Variants in MAGT1 observed in about 807,000 individuals in gnomAD.
The protein encoded by MAGT1 is magnesium transporter 1, also known as dolichyl-diphosphooligosaccharide--protein glycosyltransferase subunit MAGT1.
Under a neutral mutation model 28.4 loss-of-function variants are expected in MAGT1, and 4 were observed. The ratio of observed to expected loss-of-function variants is 0.14; its 90% CI spans 0.07 to 0.32. The LOEUF (loss-of-function observed/expected upper bound fraction) is 0.32, where lower values mean the gene tolerates loss of function less well. MAGT1 is among the 10% of genes least tolerant of loss of function. The pLI, the probability that MAGT1 is intolerant of heterozygous loss-of-function variation, is 1.00. For missense variants in MAGT1, 193 were observed against 264.5 expected, an observed-to-expected ratio of 0.73 and a Z score of 1.88; for synonymous variants, 89 against 89.7, an observed-to-expected ratio of 0.99 and a Z score of 0.04.
intron 8 of MAGT1, among the ~76,000 whole-genome samples, chrX:77,831,741 T>C (rs1244431078): frequency 9.1e-6 from 1 of 109,966 alleles, no homozygotes; most frequent in African/African-American, 3.3e-5. Context: ...TACAGATGTG[T>C]GCCACCATGC....
At chrX:77,829,587 A>G (rs782387203) in intron 9 of MAGT1, among the ~76,000 whole-genome samples, 1 of 111,478 alleles carries the variant, frequency 9.0e-6, no homozygotes, top group East Asian at 2.8e-4. Flanking sequence ...CTGGGACTAC[A>G]GGCACATGAC....
At position 77,835,895 on chromosome X, in the gene MAGT1, C is replaced by T. The variant is rs995345113; in HGVS notation, c.902-5000G>A. ...CTTGGCTCACTTCAACCTCTGCCTT[C>T]CAGGTTCAAACAATTCTCCTGCCTC... On this transcript the variant is annotated intron_variant, in intron 8 of 9. Transcript: ENST00000618282. 4.5e-5 allele frequency among the ~76,000 whole-genome samples: 5 copies of T among 111,292 alleles called. No homozygotes were observed. In the Admixed American group the frequency reaches 4.8e-4, roughly 11 times the overall value.
intron 1 of MAGT1, among the ~76,000 whole-genome samples, chrX:77,878,738 C>T (rs1437160565): frequency 4.1e-5 from 4 of 98,664 alleles, no homozygotes; most frequent in Non-Finnish European, 6.1e-5. Flanking sequence ...TGCAGTGAGC[C>T]GAGATCGTGC....
At chrX:77,868,544 G>C (rs1309511691) in intron 3 of MAGT1, 1 of 184,329 alleles carries the variant, frequency 5.4e-6, no homozygotes, top group African/African-American at 3.0e-5. Flanking sequence ...GGCTGAGGCA[G>C]AAGAATCACT....
At chrX:77,849,549 T>C (rs1403999648) in intron 7 of MAGT1, among the ~76,000 whole-genome samples, 4 of 111,259 alleles carry the variant, frequency 3.6e-5, no homozygotes, top group South Asian at 3.7e-4. Flanking sequence ...TGAGTTCTGG[T>C]TACATAAGTG....
chrX:77,884,164 G>C (rs1453596716), intron 1 of MAGT1, among the ~76,000 whole-genome samples: 1 of 111,869 alleles, frequency 8.9e-6, no homozygotes. Context: ...CTGCACTCCA[G>C]CCTGGGTGAC....
intron 3 of MAGT1, 59 bp from the exon 4 acceptor site, chrX:77,857,556 T>C (rs1265950919): frequency 8.6e-7 from 1 of 1,159,729 alleles, no homozygotes; most frequent in Non-Finnish European, 1.2e-6. Context: ...TAATTGCAGT[T>C]AACATCTTGA....
chrX:77,861,708 A>G (rs782296349), intron 3 of MAGT1, among the ~76,000 whole-genome samples: 1 of 112,542 alleles, frequency 8.9e-6, no homozygotes, highest in South Asian at 3.6e-4. Flanking sequence ...ACAATGCAAT[A>G]TTATTCAGCT....
Position 77,895,367 on chromosome X carries a change from A to G in MAGT1, c.44T>C (p.Val15Ala), listed in dbSNP as rs1557219816. The G allele has an allele frequency of 1.7e-6, 2 of 1,212,025 alleles. No individual in the cohort carries two copies. The highest frequency in any genetic ancestry group is 3.5e-5 in the African/African-American group (2 of 57,867). ...GTCGCAAACGATGAGCAGCGCCACC[A>G]CCATGGTCACAGAGACACACCAAAA... ...WRFWCVSVTM[V>A]VALLIVCDVP... Residue 15 changes from valine to alanine, a missense_variant, in exon 1 of 10, where the codon GTG becomes GCG. By Grantham distance (64) the Val-to-Ala change is moderately conservative (BLOSUM62 0). Transcript: ENST00000618282.
intron 8 of MAGT1, among the ~76,000 whole-genome samples, chrX:77,834,181 C>T (rs2076906775): frequency 1.0e-5 from 1 of 97,624 alleles, no homozygotes; most frequent in African/African-American, 3.7e-5. Context: ...TATATATATG[C>T]ATATATGTAT....
intron 1 of MAGT1, among the ~76,000 whole-genome samples, chrX:77,875,976 G>A (rs1311607397): frequency 9.8e-6 from 1 of 102,091 alleles, no homozygotes; most frequent in Non-Finnish European, 2.0e-5. Context: ...GAATACACAC[G>A]TGTTCCACCA....
chrX:77,856,186 A>G (rs1557215958), intron 5 of MAGT1, among the ~76,000 whole-genome samples: 1 of 111,415 alleles, frequency 9.0e-6, no homozygotes, highest in Non-Finnish European at 1.9e-5. Context: ...CTGTAACCCC[A>G]GCACTTTGGG....
In MAGT1 at chrX:77,875,540, T is replaced by C. The variant is rs369665000; in HGVS notation, c.160A>G (p.Ile54Val). Residue 54 changes from isoleucine (I) to valine (V), a missense_variant, in exon 2 of 10, where the codon ATA becomes GTA. Ile to Val is a conservative substitution (Grantham distance 29). Coordinates refer to ENST00000618282, the MANE Select transcript of MAGT1 (RefSeq NM_001367916.1). ...CGGAACTTGTCTCCATTCATTCTTA[T>C]TACAGGTCTTTTGTTAGTCCATTCC... is the stretch of plus-strand genomic sequence containing the variant. The part of the protein sequence containing the change: ...LMEWTNKRPV[I>V]RMNGDKFRRL... The C allele has an allele frequency of 6.6e-6, 8 of 1,206,871 alleles. No homozygotes were observed. The highest frequency in any genetic ancestry group is 9.0e-6 in the Non-Finnish European group (8 of 893,766).
intron 1 of MAGT1, among the ~76,000 whole-genome samples, chrX:77,893,485 AC>A (rs782556480): frequency 2.8e-4 from 31 of 112,079 alleles, no homozygotes; most frequent in African/African-American, 1.0e-3. Flanking sequence ...TAAAAAAAAA[AC>A]AAAACCTATT....
chrX:77,830,966 T>TTTA, intron 8 of MAGT1, 71 bp from the exon 9 acceptor site: 1 of 328,382 alleles, frequency 3.0e-6, no homozygotes, highest in Admixed American at 5.8e-5. Flanking sequence ...GTCTATACTT[T>TTTA]CTTTTTTTAT....
At chrX:77,844,812 T>C (rs782603675) in intron 7 of MAGT1, among the ~76,000 whole-genome samples, 2 of 111,712 alleles carry the variant, frequency 1.8e-5, no homozygotes, top group South Asian at 7.4e-4. Flanking sequence ...TGAGAGACAG[T>C]TTGTTATAAT....
chrX:77,875,244 C>T (rs1218064271), intron 2 of MAGT1, among the ~76,000 whole-genome samples, 184 bp downstream of exon 2: 10 of 111,097 alleles, frequency 9.0e-5, no homozygotes, highest in Non-Finnish European at 1.5e-4. Flanking sequence ...ATCCATGCTT[C>T]CCCCACTGAT....
intron 3 of MAGT1, among the ~76,000 whole-genome samples, chrX:77,861,048 G>A (rs942875825): frequency 1.8e-5 from 2 of 109,282 alleles, no homozygotes; most frequent in South Asian, 3.9e-4. Flanking sequence ...GCCTGGTGAC[G>A]CATGCCTGTA....
At chrX:77,842,831 AAAAAAGAAAAAG>A (rs1472931734) in intron 7 of MAGT1, among the ~76,000 whole-genome samples, 1 of 111,799 alleles carries the variant, frequency 8.9e-6, no homozygotes, top group Non-Finnish European at 1.9e-5. Context: ...CATCTCAAAA[AAAAAAGAAAAAG>A]AAAAAGAAAA....
Sources: gnomAD v4.1 joint callset for allele counts (sites outside exome capture counted in the v4.1 genomes callset) on GRCh38, gnomAD v4.1.1 for gene constraint, MANE v1.5 for transcripts, NCBI Gene and HGNC (gene_info 2026-07-23, HGNC 2026-07-21) for gene names.